GRID1: variants seen among roughly 807,000 people sequenced by gnomAD.
GRID1 encodes the protein glutamate receptor ionotropic, delta-1.
Under a neutral mutation model 98.0 loss-of-function variants are expected in GRID1, and 28 were observed. That is an observed-to-expected ratio of 0.29 (90% CI 0.21 to 0.39). The LOEUF is 0.39. GRID1 is among the 10% of genes least tolerant of loss of function. The pLI is 1.00. For synonymous variants in GRID1, 553 were observed against 538.5 expected (o/e 1.03, Z -0.37); for missense variants, 1,111 against 1,340.5 (o/e 0.83, Z 2.67).
At chr10:86,211,175 A>G (rs1053245014) in intron 2 of GRID1, among the ~76,000 whole-genome samples, 6 of 152,252 alleles carry the variant, frequency 3.9e-5, no homozygotes, top group African/African-American at 1.4e-4. Context: ...TGCCTGGCAC[A>G]TAGTAGCAAC....
At chr10:86,125,777 G>C (rs1410397219) in intron 4 of GRID1, among the ~76,000 whole-genome samples, 1 of 152,100 alleles carries the variant, frequency 6.6e-6, no homozygotes, top group Non-Finnish European at 1.5e-5. Flanking sequence ...TAACAAGGAC[G>C]AAGACCTCTA....
chr10:86,089,726 A>G (rs1407710602), intron 4 of GRID1, among the ~76,000 whole-genome samples: 1 of 152,180 alleles, frequency 6.6e-6, no homozygotes, highest in Non-Finnish European at 1.5e-5. Context: ...TACAATATAT[A>G]AAGAAGGACC....
rs1564716267 is a variant in GRID1 at position 86,241,413 on chromosome 10, C to CGGG, written c.236-34766_236-34765insCCC. On this transcript the variant is annotated intron_variant, in intron 2 of 15. Coordinates refer to ENST00000327946, the MANE Select transcript of GRID1 (RefSeq NM_017551.3). ...GAGTGAGGCATCTTTACAGGGGGGC[C>CGGG]CCCTACAGCCGCAGGCTGAGTCCCT... Among the ~76,000 whole-genome samples the CGGG allele has an allele frequency of 3.2e-4, 48 of 151,606 alleles. No homozygotes were observed. In the East Asian group the frequency reaches 5.6e-3, roughly 18 times the overall value.
chr10:86,057,891 G>A (rs1017078320), intron 4 of GRID1, among the ~76,000 whole-genome samples: 4 of 152,146 alleles, frequency 2.6e-5, no homozygotes, highest in African/African-American at 4.8e-5. Flanking sequence ...TTTGGCTTAC[G>A]CATGCATGTT....
At chr10:85,753,924 C>T (rs576839143) in intron 8 of GRID1, among the ~76,000 whole-genome samples, 48 of 152,332 alleles carry the variant, frequency 3.2e-4, no homozygotes, top group African/African-American at 1.0e-3. Context: ...TGGACACATA[C>T]AAGGTCATCA....
chr10:85,982,280 A>T (rs1014811320), intron 4 of GRID1, among the ~76,000 whole-genome samples: 4 of 152,052 alleles, frequency 2.6e-5, no homozygotes, highest in Admixed American at 2.6e-4. Context: ...CACTATTTGT[A>T]TGTATAGCAA....
At chr10:85,843,752 A>T (rs73334783) in intron 8 of GRID1, among the ~76,000 whole-genome samples, 1 of 152,126 alleles carries the variant, frequency 6.6e-6, no homozygotes, top group African/African-American at 2.4e-5. Context: ...AGATATCTCC[A>T]TGCAATTATT....
At position 85,675,974 on chromosome 10, in the gene GRID1, C is replaced by T. The variant is rs553891742; in HGVS notation, c.1998-28577G>A. The stretch of plus-strand genomic sequence containing the variant: ...GGCCCTGGGGTCAGAATCCCCAAGG[C>T]CTTTGGCAAATTCTGCCTCCTGTCC... On this transcript the variant is annotated intron_variant, in intron 12 of 15. Coordinates refer to ENST00000327946, the MANE Select transcript of GRID1 (RefSeq NM_017551.3). Among the ~76,000 whole-genome samples the T allele has an allele frequency of 7.2e-5, 11 of 152,218 alleles. No individual in the cohort carries two copies. In the South Asian group the frequency reaches 2.3e-3, roughly 32 times the overall value.
chr10:85,750,117 C>T (rs114508624), intron 8 of GRID1, among the ~76,000 whole-genome samples: 2 of 152,286 alleles, frequency 1.3e-5, no homozygotes, highest in African/African-American at 4.8e-5. Context: ...ATGATTATTA[C>T]TATCATTACC....
rs1314548888 is a variant in GRID1, at chr10:85,869,097, T to G, written c.864A>C (p.Ala288=). The stretch of plus-strand genomic sequence containing the variant: ...TCCTCGTGCATTTCTGATTGTCCTT[T>G]GCAGACGGAAAGATTTGCCGGACCA... The part of the protein sequence containing the change: ...MTVVRQIFPS[A]KDNQKCTRNN... Residue 288 remains alanine, a synonymous_variant, in exon 6 of 16, where the codon GCA becomes GCC. Transcript: ENST00000327946. 17 of 1,613,880 alleles carry G rather than the reference T, an allele frequency of 1.1e-5. No individual in the cohort carries two copies. Among genetic ancestry groups the G allele is most frequent in the Non-Finnish European group, 1.4e-5 (17 of 1,179,914 alleles).
At chr10:86,084,104 G>A (rs571633224) in intron 4 of GRID1, among the ~76,000 whole-genome samples, 37 of 152,308 alleles carry the variant, frequency 2.4e-4, no homozygotes, top group African/African-American at 8.2e-4. Context: ...TGAATATCTG[G>A]TGTGTCCCTC....
At chr10:86,166,536 T>A (rs1184976946) in intron 3 of GRID1, among the ~76,000 whole-genome samples, 1 of 152,222 alleles carries the variant, frequency 6.6e-6, no homozygotes, top group Non-Finnish European at 1.5e-5. Context: ...TTGCAAGGCC[T>A]ATATTACTAT....
chr10:86,142,698 T>C (rs1845027144), intron 3 of GRID1, among the ~76,000 whole-genome samples: 1 of 152,224 alleles, frequency 6.6e-6, no homozygotes. Flanking sequence ...CACGTTTACA[T>C]AAGCATGTGT....
intron 12 of GRID1, among the ~76,000 whole-genome samples, chr10:85,650,608 T>C (rs1024802947): frequency 3.3e-5 from 5 of 152,086 alleles, no homozygotes; most frequent in African/African-American, 9.7e-5. Context: ...ATGAGATATA[T>C]TAAAATACAG....
At chr10:85,632,852 C>T (rs1842991362) in intron 13 of GRID1, among the ~76,000 whole-genome samples, 1 of 152,180 alleles carries the variant, frequency 6.6e-6, no homozygotes. Flanking sequence ...GCCTCACATG[C>T]ATTAACTATT....
At chr10:86,069,319 A>T (rs1564665381) in intron 4 of GRID1, among the ~76,000 whole-genome samples, 3 of 152,200 alleles carry the variant, frequency 2.0e-5, no homozygotes, top group African/African-American at 7.2e-5. Context: ...GAGCTGCTCC[A>T]GACCAGAGAG....
At chr10:85,903,417 C>A (rs1841415849) in intron 5 of GRID1, among the ~76,000 whole-genome samples, 1 of 152,192 alleles carries the variant, frequency 6.6e-6, no homozygotes, top group South Asian at 2.1e-4. Flanking sequence ...CAGAATCCAA[C>A]TACTTCTTAC....
intron 4 of GRID1, among the ~76,000 whole-genome samples, chr10:85,988,570 G>A (rs1589326258): frequency 6.6e-6 from 1 of 152,320 alleles, no homozygotes. Flanking sequence ...TTTAAGCAGA[G>A]AAAGTGTGAT....
At chr10:85,929,455 A>G (rs957870649) in intron 4 of GRID1, among the ~76,000 whole-genome samples, 2 of 152,218 alleles carry the variant, frequency 1.3e-5, no homozygotes, top group African/African-American at 4.8e-5. Context: ...GACCAGTGTC[A>G]TTTGAATAAA....
Sources: gnomAD v4.1 joint callset for allele counts (sites outside exome capture counted in the v4.1 genomes callset) on GRCh38, gnomAD v4.1.1 for gene constraint, MANE v1.5 for transcripts, NCBI Gene and HGNC (gene_info 2026-07-23, HGNC 2026-07-21) for gene names.